The following MGLL variants were observed in gnomAD, a reference collection of about 807,000 sequenced individuals.
MGLL encodes the protein monoglyceride lipase, also known as lysophospholipase homolog.
A neutral mutation model predicts 29.1 loss-of-function variants in MGLL; 7 were observed. The ratio of observed to expected loss-of-function variants is 0.24; its 90% CI spans 0.14 to 0.45. The LOEUF (loss-of-function observed/expected upper bound fraction) is 0.45. Ranked by LOEUF, MGLL falls within the 20% of genes least tolerant of loss-of-function variation. The pLI is 0.99. For synonymous variants in MGLL, 148 were observed against 168.3 expected, an observed-to-expected ratio of 0.88 and a Z score of 0.93; for missense variants, 356 against 413.6, an observed-to-expected ratio of 0.86 and a Z score of 1.21.
intron 6 of MGLL, among the ~76,000 whole-genome samples, chr3:127,701,385 G>A (rs532859778): frequency 7.2e-5 from 11 of 152,122 alleles, no homozygotes; most frequent in Non-Finnish European, 1.6e-4. Context: ...TCCCAAGCCT[G>A]TAGCACCCTG....
chr3:127,711,264 C>G, intron 5 of MGLL: 1 of 173,410 alleles, frequency 5.8e-6, no homozygotes, highest in Admixed American at 5.4e-5. Context: ...GCTGAGCCTC[C>G]GTTTCCTCAG....
rs867147080 is a variant in MGLL, at chr3:127,781,779, G to A, written c.262+10C>T. ...CCCAGCCAGCTCTGACGGCACCCTG[G>A]GACACTCACCATGGTCGTGGGCGAA... On this transcript the variant is annotated intron_variant, in intron 3 of 7. Coordinates refer to ENST00000265052, the MANE Select transcript of MGLL (RefSeq NM_007283.7). The A allele has an allele frequency of 2.5e-6, 4 of 1,613,592 alleles. No homozygotes were observed. The Middle Eastern group carries it at 5.0e-4, about 200-fold the overall frequency.
intron 2 of MGLL, among the ~76,000 whole-genome samples, chr3:127,812,514 G>C (rs149857410): frequency 2.3e-4 from 35 of 152,360 alleles, no homozygotes; most frequent in African/African-American, 7.5e-4. Context: ...CTGTGGCCTG[G>C]TGTGGTGAGG....
intron 2 of MGLL, among the ~76,000 whole-genome samples, chr3:127,800,292 C>G (rs770149829): frequency 1.5e-4 from 23 of 152,230 alleles, no homozygotes; most frequent in Non-Finnish European, 2.8e-4. Flanking sequence ...ATAAACCTCT[C>G]TCTTATTTCA....
chr3:127,744,859 A>C (rs2076412897), intron 3 of MGLL, among the ~76,000 whole-genome samples: 1 of 152,220 alleles, frequency 6.6e-6, no homozygotes, highest in Non-Finnish European at 1.5e-5. Context: ...AAATTAGGTA[A>C]ATTCCTGACC....
chr3:127,787,072 A>G (rs989713902), intron 2 of MGLL, among the ~76,000 whole-genome samples: 8 of 152,220 alleles, frequency 5.3e-5, no homozygotes, highest in African/African-American at 1.7e-4. Context: ...CCTGCGGCTC[A>G]GGATCGAGGC....
Position 127,692,218 on chromosome 3 carries a change from C to T in MGLL, c.922G>A (p.Gly308Arg). 6.2e-7 allele frequency: 1 copy of T among 1,613,466 alleles called. No homozygotes were observed. Among genetic ancestry groups the T allele is most frequent in the South Asian group, 1.1e-5 (1 of 91,074 alleles). ...MWVSQRTATA[G>R]TASPP ...TGCATTCAGGGTGGGGACGCAGTTC[C>T]TGCCGTGGCTGTCCTTTGAGAGACC... The change falls in exon 8 of 8, where the codon GGA becomes AGA. Residue 308 changes from glycine (G) to arginine (R), a missense_variant. Gly to Arg is a moderately radical substitution (Grantham distance 125, BLOSUM62 -2). Coordinates refer to ENST00000265052, the MANE Select transcript of MGLL (RefSeq NM_007283.7).
intron 3 of MGLL, among the ~76,000 whole-genome samples, chr3:127,748,676 G>A (rs1205752421): frequency 6.6e-6 from 1 of 151,856 alleles, no homozygotes; most frequent in Non-Finnish European, 1.5e-5. Context: ...GGCCTCAGAA[G>A]GAACCAGCCC....
At chr3:127,757,514 A>G (rs2076685239) in intron 3 of MGLL, among the ~76,000 whole-genome samples, 1 of 152,228 alleles carries the variant, frequency 6.6e-6, no homozygotes, top group Non-Finnish European at 1.5e-5. Flanking sequence ...TTTGGCTTCA[A>G]GAAATTGATG....
chr3:127,778,423 C>T (rs980052461), intron 3 of MGLL, among the ~76,000 whole-genome samples: 4 of 152,192 alleles, frequency 2.6e-5, no homozygotes, highest in African/African-American at 7.2e-5. Flanking sequence ...AGCACAGCAG[C>T]CAGTCTACAT....
At position 127,747,436 on chromosome 3, in the gene MGLL, T is replaced by C. The variant is rs142191949; in HGVS notation, c.263-24870A>G. On this transcript the variant is annotated intron_variant, in intron 3 of 7. Transcript: ENST00000265052. ...ATAATCAGGGTCTACTACAGACCCC[T>C]GCTGGACTGTGTGCTCCTTAGGGGC... Among the ~76,000 whole-genome samples, 322 of 152,362 alleles carry C rather than the reference T, an allele frequency of 2.1e-3. 1 individual carries two copies. Among genetic ancestry groups the C allele is most frequent in the African/African-American group, 7.4e-3 (308 of 41,586 alleles).
chr3:127,807,750 C>CTTTTT lies in MGLL; in HGVS notation c.155+13939_155+13943dup, dbSNP rs35444871. Among the ~76,000 whole-genome samples, 20 of 59,474 alleles carry CTTTTT rather than the reference C, an allele frequency of 3.4e-4. 2 individuals are homozygous for CTTTTT. The highest frequency in any genetic ancestry group is 9.8e-4 in the African/African-American group (14 of 14,326). The allele number at this position is 59,474 out of a possible 152,430, so 39.0% of individuals were successfully genotyped here. Reference sequence around the variant, plus strand: ...CTAATTTAGACATGCTGTGAAAAGTCTTTTTTTTTTTTTTTTTTTTTTTTT... The same window carrying CTTTTT: ...CTAATTTAGACATGCTGTGAAAAGTCTTTTTTTTTTTTTTTTTTTTTTTTTTTTTT... On this transcript the variant is annotated intron_variant, in intron 2 of 7. Coordinates refer to ENST00000265052, the MANE Select transcript of MGLL (RefSeq NM_007283.7).
At chr3:127,724,132 G>A (rs141969598) in intron 3 of MGLL, among the ~76,000 whole-genome samples, 91 of 152,234 alleles carry the variant, frequency 6.0e-4, no homozygotes, top group Non-Finnish European at 1.0e-3. Flanking sequence ...GTCTGTTGTC[G>A]AGGCCCCAGT....
intron 2 of MGLL, among the ~76,000 whole-genome samples, chr3:127,819,151 C>T (rs976826706): frequency 2.0e-5 from 3 of 152,144 alleles, no homozygotes; most frequent in South Asian, 2.1e-4. Context: ...TTGCATAAAG[C>T]GGGTTAAGCC....
At chr3:127,745,106 C>T (rs1232690476) in intron 3 of MGLL, among the ~76,000 whole-genome samples, 3 of 152,304 alleles carry the variant, frequency 2.0e-5, no homozygotes, top group Non-Finnish European at 2.9e-5. Context: ...ACCTTGCAAA[C>T]GTCTCCACCG....
chr3:127,813,041 G>A (rs2077691700), intron 2 of MGLL, among the ~76,000 whole-genome samples: 1 of 152,150 alleles, frequency 6.6e-6, no homozygotes, highest in Non-Finnish European at 1.5e-5. Context: ...CTAACTAAAG[G>A]TTTTTAATCT....
chr3:127,768,054 T>C (rs895330264), intron 3 of MGLL, among the ~76,000 whole-genome samples: 3 of 152,232 alleles, frequency 2.0e-5, no homozygotes, highest in Admixed American at 6.5e-5. Flanking sequence ...ATTTGATGTC[T>C]TGGATGAAAT....
intron 2 of MGLL, among the ~76,000 whole-genome samples, chr3:127,784,541 C>G (rs886733999): frequency 1.3e-5 from 2 of 152,136 alleles, no homozygotes; most frequent in African/African-American, 4.8e-5. Context: ...TATAGCCGTC[C>G]CACTGCAGGC....
intron 5 of MGLL, among the ~76,000 whole-genome samples, chr3:127,716,638 T>C (rs1209405849): frequency 3.9e-5 from 6 of 152,246 alleles, no homozygotes; most frequent in African/African-American, 1.4e-4. Flanking sequence ...CCTTTATTGA[T>C]CCAGAAGGTT....
Sources: gnomAD v4.1 joint callset for allele counts (sites outside exome capture counted in the v4.1 genomes callset) on GRCh38, gnomAD v4.1.1 for gene constraint, MANE v1.5 for transcripts, NCBI Gene and HGNC (gene_info 2026-07-23, HGNC 2026-07-21) for gene names.